The following ARPP21 variants were observed in gnomAD, a reference collection of about 807,000 sequenced individuals.
The protein encoded by ARPP21 is cAMP-regulated phosphoprotein 21.
In ARPP21, 69 loss-of-function variants were observed where a neutral mutation model predicts 113.2. That is an observed-to-expected ratio of 0.61 (90% CI 0.50 to 0.74). The LOEUF is 0.74. Among genes scored for constraint, ARPP21 ranks in the 30% least tolerant of loss-of-function variants. The pLI is 0.00. For synonymous variants in ARPP21, 368 were observed against 375.5 expected (o/e 0.98, Z 0.23); for missense variants, 1,070 against 1,037.4 (o/e 1.03, Z -0.43).
At chr3:35,692,851 C>A (rs1372932536) in intron 9 of ARPP21, among the ~76,000 whole-genome samples, 1 of 151,612 alleles carries the variant, frequency 6.6e-6, no homozygotes, top group Non-Finnish European at 1.5e-5. Context: ...ACATTTCAAG[C>A]AGCTATTGGA....
At position 35,715,575 on chromosome 3, in the gene ARPP21, G is replaced by C; in HGVS notation, c.935+99G>C. 4.3e-6 allele frequency: 4 copies of C among 935,876 alleles called. No individual in the cohort carries two copies. The South Asian group carries it at 4.3e-5, about 10-fold the overall frequency. The allele number at this position is 935,876 out of a possible 1,614,324, so 58.0% of individuals were successfully genotyped here. ...ATATATCCCATATATGTGTGTGCTT[G>C]AATATATGTATTAGCAGATACATAT... On this transcript the variant is annotated intron_variant, in intron 12 of 20. Transcript: ENST00000684406.
Position 35,688,121 on chromosome 3 carries a change from T to C in ARPP21, c.406+238T>C, listed in dbSNP as rs148044513. 9.9e-5 allele frequency among the ~76,000 whole-genome samples: 15 copies of C among 151,692 alleles called. No homozygotes were observed. The East Asian group carries it at 2.9e-3, about 30-fold the overall frequency. ...ATCACATATTTCTTTGGATTCACAT[T>C]TTAATCTTCTGTTTTCAGTGACAAG... On this transcript the variant is annotated intron_variant, in intron 6 of 20. Transcript: ENST00000684406.
chr3:35,673,055 G>T (rs1322879251), intron 1 of ARPP21, among the ~76,000 whole-genome samples: 1 of 152,002 alleles, frequency 6.6e-6, no homozygotes, highest in Admixed American at 6.6e-5. Context: ...CTCAATAAAA[G>T]GTAGTTGTTT....
intron 9 of ARPP21, among the ~76,000 whole-genome samples, chr3:35,699,137 G>A (rs780791007): frequency 1.3e-5 from 2 of 151,628 alleles, no homozygotes; most frequent in Non-Finnish European, 1.5e-5. Flanking sequence ...AGGAGTGTCT[G>A]TGTGTGTAAA....
At chr3:35,706,332 TGCTTGAAGC>T (rs1444197333) in intron 9 of ARPP21, among the ~76,000 whole-genome samples, 1 of 152,228 alleles carries the variant, frequency 6.6e-6, no homozygotes, top group Admixed American at 6.5e-5. Flanking sequence ...AGTGTGTAAC[TGCTTGAAGC>T]ATTTTCCCCA....
intron 1 of ARPP21, among the ~76,000 whole-genome samples, chr3:35,640,734 A>G (rs1697767531): frequency 6.6e-6 from 1 of 152,196 alleles, no homozygotes; most frequent in Non-Finnish European, 1.5e-5. Flanking sequence ...GAAGAGGTAG[A>G]AAGTTATACT....
chr3:35,707,673 A>C (rs1005917086), intron 10 of ARPP21: 5 of 397,502 alleles, frequency 1.3e-5, no homozygotes, highest in Non-Finnish European at 2.0e-5. Context: ...CTTGTTTTGC[A>C]TGAAGTGTAG....
chr3:35,737,876 C>T (rs1030963257), intron 16 of ARPP21, among the ~76,000 whole-genome samples: 1 of 152,180 alleles, frequency 6.6e-6, no homozygotes, highest in African/African-American at 2.4e-5. Flanking sequence ...TCCATAGAAA[C>T]CTGAAGTGTT....
At chr3:35,689,193 C>T (rs1297297416) in intron 6 of ARPP21, 114 bp from the exon 7 acceptor site, 1 of 683,210 alleles carries the variant, frequency 1.5e-6, no homozygotes, top group Non-Finnish European at 2.7e-6. Context: ...TTTATACCAA[C>T]AGCTTCACCT....
intron 10 of ARPP21, 90 bp from the exon 11 acceptor site, chr3:35,708,879 A>G: frequency 1.2e-6 from 1 of 832,870 alleles, no homozygotes; most frequent in Non-Finnish European, 1.9e-6. Flanking sequence ...GTTTAAGTGA[A>G]CATTTATTAT....
Position 35,743,785 on chromosome 3 carries a change from A to T in ARPP21, c.2011-54A>T. On this transcript the variant is annotated intron_variant, in intron 18 of 20. Coordinates refer to ENST00000684406, the MANE Select transcript of ARPP21 (RefSeq NM_001385562.1). ...GACGAAAGCATATTTTAAGTTTAAA[A>T]ATTTACATTATCTACATTTTCATTC... The T allele has an allele frequency of 1.9e-6, 3 of 1,590,250 alleles. No individual in the cohort carries two copies. In the Admixed American group the frequency reaches 5.1e-5, roughly 27 times the overall value.
At chr3:35,747,252 G>A (rs2095116732) in intron 19 of ARPP21, among the ~76,000 whole-genome samples, 1 of 151,556 alleles carries the variant, frequency 6.6e-6, no homozygotes, top group Non-Finnish European at 1.5e-5. Flanking sequence ...TACTTGGGGA[G>A]GCTGAGGCAG....
intron 11 of ARPP21, among the ~76,000 whole-genome samples, chr3:35,709,537 T>A (rs2090364903): frequency 6.6e-6 from 1 of 152,154 alleles, no homozygotes; most frequent in South Asian, 2.1e-4. Context: ...GGACATTTCA[T>A]TATACTAAAT....
At chr3:35,712,514 C>CTGTGTGTGTGTGTG (rs10579469) in intron 11 of ARPP21, among the ~76,000 whole-genome samples, 12 of 132,844 alleles carry the variant, frequency 9.0e-5, no homozygotes, top group African/African-American at 2.9e-4. Flanking sequence ...TCTAAGGTGT[C>CTGTGTGTGTGTGTG]TGTGTGTGTG....
intron 19 of ARPP21, among the ~76,000 whole-genome samples, chr3:35,768,079 CGT>C (rs5847897): frequency 0.098 from 10,864 of 111,196 alleles, 624 homozygotes; most frequent in East Asian, 0.16. Context: ...CATGCTTTTC[CGT>C]GTGTGTGTGT....
chr3:35,739,937 G>A (rs2094559452), intron 18 of ARPP21, among the ~76,000 whole-genome samples: 1 of 152,302 alleles, frequency 6.6e-6, no homozygotes, highest in African/African-American at 2.4e-5. Flanking sequence ...GCACCTAGGA[G>A]ACTTTCAATA....
intron 14 of ARPP21, among the ~76,000 whole-genome samples, chr3:35,726,273 C>T (rs936796073): frequency 3.3e-5 from 5 of 152,214 alleles, no homozygotes; most frequent in Non-Finnish European, 7.3e-5. Context: ...AATCTTTGAA[C>T]ACTTCCAGTC....
intron 19 of ARPP21, among the ~76,000 whole-genome samples, chr3:35,753,051 T>TGTGC (rs2095455395): frequency 6.6e-6 from 1 of 150,860 alleles, no homozygotes; most frequent in South Asian, 2.1e-4. Context: ...AGTGTGTGTG[T>TGTGC]GTGTGTGTGT....
Position 35,708,942 on chromosome 3 carries a change from C to A in ARPP21, c.796-27C>A, listed in dbSNP as rs765639684. 2.6e-6 allele frequency: 4 copies of A among 1,528,754 alleles called. No homozygotes were observed. The Admixed American group carries it at 6.7e-5, about 26-fold the overall frequency. 94.7% of individuals were successfully genotyped at this position (1,528,754 alleles called of 1,614,324 possible). ...ATTTCTAACAACGCAACTTGGATAA[C>A]CCTCCTGATTTCTTTTTTCTGTTCA... On this transcript the variant is annotated intron_variant, in intron 10 of 20. Transcript: ENST00000684406.
Sources: allele counts gnomAD v4.1 joint callset (sites outside exome capture counted in the v4.1 genomes callset), GRCh38; gene constraint gnomAD v4.1.1; transcripts MANE v1.5; gene names NCBI Gene and HGNC (gene_info 2026-07-23, HGNC 2026-07-21).